The following ZNF429 variants were observed in gnomAD, a reference collection of about 807,000 sequenced individuals.
ZNF429 encodes the protein zinc finger protein 429.
Under a neutral mutation model 56.8 loss-of-function variants are expected in ZNF429, and 53 were observed. The observed-to-expected ratio is 0.93, with a 90% CI of 0.75 to 1.17. The LOEUF (loss-of-function observed/expected upper bound fraction) is 1.17. Ranked by LOEUF, ZNF429 falls within the 50% of genes most tolerant of loss-of-function variation. The pLI is 0.00. For missense variants in ZNF429, 849 were observed against 788.4 expected, an observed-to-expected ratio of 1.08 and a Z score of -0.92; for synonymous variants, 278 against 264.7, an observed-to-expected ratio of 1.05 and a Z score of -0.49.
At position 21,539,185 on chromosome 19, in the gene ZNF429, T is replaced by C. The variant is rs778299865; in HGVS notation, c.*1107T>C. 2.7e-5 allele frequency among the ~76,000 whole-genome samples: 4 copies of C among 150,786 alleles called. No homozygotes were observed. Among genetic ancestry groups the C allele is most frequent in the African/African-American group, 7.5e-5 (3 of 40,244 alleles). The stretch of plus-strand genomic sequence containing the variant: ...TGAATTTAAAAAGTCTACATAAATA[T>C]CATACATAGATATGTATGATATTGA... On this transcript the variant is annotated 3_prime_UTR_variant, in exon 4 of 4. Transcript: ENST00000358491.
intron 1 of ZNF429, chr19:21,529,313 A>C (rs1381584500): frequency 2.2e-5 from 4 of 177,930 alleles, no homozygotes; most frequent in Non-Finnish European, 4.4e-5. Flanking sequence ...TTTTGATCTG[A>C]AAAATATACA....
intron 1 of ZNF429, among the ~76,000 whole-genome samples, chr19:21,506,461 A>AAGGG (rs1555740405): frequency 6.1e-5 from 9 of 147,282 alleles, no homozygotes; most frequent in African/African-American, 5.0e-5. Flanking sequence ...AAAAAAAAAA[A>AAGGG]GGGGAGTCAC....
At chr19:21,520,093 A>G (rs2032935398) in intron 1 of ZNF429, among the ~76,000 whole-genome samples, 1 of 152,168 alleles carries the variant, frequency 6.6e-6, no homozygotes. Flanking sequence ...TCCTGAGCTC[A>G]GGCAGTCCAC....
chr19:21,510,295 T>C (rs1357336687), intron 1 of ZNF429, among the ~76,000 whole-genome samples: 1 of 152,046 alleles, frequency 6.6e-6, no homozygotes, highest in Non-Finnish European at 1.5e-5. Flanking sequence ...GGAAGTAGAA[T>C]GGGGTTGTAT....
intron 3 of ZNF429, among the ~76,000 whole-genome samples, chr19:21,531,672 G>C: frequency 6.6e-6 from 1 of 152,102 alleles, no homozygotes; most frequent in Non-Finnish European, 1.5e-5. Flanking sequence ...GAGCGTGGTG[G>C]CAGGCACCTG....
At chr19:21,511,825 G>C (rs913671087) in intron 1 of ZNF429, among the ~76,000 whole-genome samples, 1 of 152,264 alleles carries the variant, frequency 6.6e-6, no homozygotes, top group South Asian at 2.1e-4. Context: ...CTGCAATCCC[G>C]GCACCTTGGG....
At chr19:21,520,361 C>T (rs1015238204) in intron 1 of ZNF429, among the ~76,000 whole-genome samples, 4 of 152,120 alleles carry the variant, frequency 2.6e-5, no homozygotes, top group African/African-American at 9.7e-5. Flanking sequence ...AAATAAGAGG[C>T]TTTATTCTCC....
chr19:21,513,342 CTTTTA>C (rs1282702686), intron 1 of ZNF429, among the ~76,000 whole-genome samples: 1 of 152,140 alleles, frequency 6.6e-6, no homozygotes, highest in African/African-American at 2.4e-5. Context: ...TGGATTTTAT[CTTTTA>C]TAATAAACCA....
chr19:21,532,135 G>T, intron 3 of ZNF429, among the ~76,000 whole-genome samples: 1 of 148,700 alleles, frequency 6.7e-6, no homozygotes, highest in African/African-American at 2.5e-5. Context: ...TTAAAAAGAC[G>T]TAAATTTTAA....
chr19:21,509,920 T>A (rs2032369465), intron 1 of ZNF429, among the ~76,000 whole-genome samples: 1 of 152,092 alleles, frequency 6.6e-6, no homozygotes, highest in African/African-American at 2.4e-5. Flanking sequence ...TAATTTTTTT[T>A]TTTTTGAGAT....
In ZNF429 at chr19:21,530,586, C is replaced by G; in HGVS notation, c.131-3C>G. The G allele has an allele frequency of 1.3e-6, 2 of 1,585,544 alleles. No individual in the cohort carries two copies. The highest frequency in any genetic ancestry group is 2.2e-5 in the East Asian group (1 of 44,630). ...TTCATCTTCTTTATTTTTAATAAAA[C>G]AGGTATTGCTGTTTCTAAGCCAGAC... On this transcript the variant is annotated splice_region_variant and splice_polypyrimidine_tract_variant and intron_variant, in intron 2 of 3. Transcript: ENST00000358491.
At chr19:21,531,134 A>AAAAAAAAAAAAAAAAAAAAAC in intron 3 of ZNF429, among the ~76,000 whole-genome samples, 1 of 127,206 alleles carries the variant, frequency 7.9e-6, no homozygotes, top group African/African-American at 2.9e-5. Flanking sequence ...AAAAAACCAA[A>AAAAAAAAAAAAAAAAAAAAAC]AAAAAAAAAA....
chr19:21,508,628 A>G (rs1324357648), intron 1 of ZNF429, among the ~76,000 whole-genome samples: 2 of 151,620 alleles, frequency 1.3e-5, no homozygotes, highest in East Asian at 1.9e-4. Flanking sequence ...AGAAAAATCT[A>G]TCTTTTTTTT....
chr19:21,530,209 G>T, intron 2 of ZNF429, among the ~76,000 whole-genome samples: 1 of 149,284 alleles, frequency 6.7e-6, no homozygotes, highest in Non-Finnish European at 1.5e-5. Flanking sequence ...AAAAAAAAAA[G>T]TTTGGGGATT....
intron 1 of ZNF429, among the ~76,000 whole-genome samples, chr19:21,506,673 T>C (rs2032174865): frequency 6.6e-6 from 1 of 151,444 alleles, no homozygotes; most frequent in African/African-American, 2.4e-5. Flanking sequence ...CCTGGTTATG[T>C]AATCAGAGCT....
At position 21,538,254 on chromosome 19, in the gene ZNF429, G is replaced by C. The variant is rs1242352406; in HGVS notation, c.*176G>C. ...GATCACACCACTGCACTCCAGCCTG[G>C]GTGACAGAGCCAGACTCCATCTCAA... On this transcript the variant is annotated 3_prime_UTR_variant, in exon 4 of 4. Coordinates refer to ENST00000358491, the MANE Select transcript of ZNF429 (RefSeq NM_001001415.4). 1.6e-5 allele frequency among the ~76,000 whole-genome samples: 2 copies of C among 126,520 alleles called. No individual in the cohort carries two copies. Among genetic ancestry groups the C allele is most frequent in the African/African-American group, 6.0e-5 (2 of 33,358 alleles). The allele number at this position is 126,520 out of a possible 152,430, so 83.0% of individuals were successfully genotyped here.
At chr19:21,518,508 A>T (rs1011674509) in intron 1 of ZNF429, 1 of 152,208 alleles carries the variant, frequency 6.6e-6, no homozygotes. Flanking sequence ...TTTAATTTTC[A>T]TGTAATTGCA....
intron 1 of ZNF429, among the ~76,000 whole-genome samples, chr19:21,511,637 C>T (rs1477609131): frequency 1.2e-4 from 18 of 151,256 alleles, no homozygotes; most frequent in Admixed American, 4.6e-4. Flanking sequence ...AGATGATGGG[C>T]GGCCAGGCAG....
chr19:21,534,557 A>T, intron 3 of ZNF429, among the ~76,000 whole-genome samples: 1 of 152,008 alleles, frequency 6.6e-6, no homozygotes. Context: ...ATTTGTAGGG[A>T]CAGGATTTCA....
Sources: gnomAD v4.1 joint callset for allele counts (sites outside exome capture counted in the v4.1 genomes callset) on GRCh38, gnomAD v4.1.1 for gene constraint, MANE v1.5 for transcripts, NCBI Gene and HGNC (gene_info 2026-07-23, HGNC 2026-07-21) for gene names.